GRID1: variants seen among roughly 807,000 people sequenced by gnomAD.
The protein encoded by GRID1 is glutamate ionotropic receptor delta type subunit 1.
GRID1 carries 28 observed loss-of-function variants against 98.0 expected under a neutral mutation model. The observed-to-expected ratio is 0.29, with a 90% confidence interval of 0.21 to 0.39. The LOEUF is 0.39. GRID1 is among the 10% of genes least tolerant of loss of function. GRID1 has a pLI of 1.00. For missense variants in GRID1, 1,111 were observed against 1,340.5 expected (o/e 0.83, Z 2.67); for synonymous variants, 553 against 538.5 (o/e 1.03, Z -0.37).
chr10:86,003,880 C>A (rs768118901), intron 4 of GRID1, among the ~76,000 whole-genome samples: 4 of 152,124 alleles, frequency 2.6e-5, no homozygotes, highest in Non-Finnish European at 5.9e-5. Context: ...AGCTAAGAAA[C>A]CTGCCAACTT....
At chr10:85,631,471 G>A (rs1842974918) in intron 13 of GRID1, among the ~76,000 whole-genome samples, 1 of 152,182 alleles carries the variant, frequency 6.6e-6, no homozygotes, top group Admixed American at 6.5e-5. Context: ...GGGAGGAATA[G>A]TTTTGTTTAT....
intron 12 of GRID1, among the ~76,000 whole-genome samples, chr10:85,702,990 T>G: frequency 6.6e-5 from 9 of 136,384 alleles, no homozygotes; most frequent in East Asian, 2.2e-4. Flanking sequence ...GAGGAGGAAA[T>G]AAGGAGATGA....
At chr10:86,238,124 G>C (rs952041414) in intron 2 of GRID1, among the ~76,000 whole-genome samples, 6 of 152,236 alleles carry the variant, frequency 3.9e-5, no homozygotes, top group African/African-American at 1.4e-4. Context: ...CATTTTCTGG[G>C]GAAGAATTCA....
intron 13 of GRID1, among the ~76,000 whole-genome samples, chr10:85,644,772 T>G (rs2132549505): frequency 6.6e-6 from 1 of 152,376 alleles, no homozygotes; most frequent in African/African-American, 2.4e-5. Context: ...GTGATTGTAC[T>G]GAGCACACCC....
chr10:86,284,809 G>A (rs1050033476), intron 2 of GRID1, among the ~76,000 whole-genome samples: 12 of 152,224 alleles, frequency 7.9e-5, no homozygotes, highest in South Asian at 6.2e-4. Flanking sequence ...GCATAGGGTC[G>A]CAGCAGAGGG....
intron 12 of GRID1, among the ~76,000 whole-genome samples, chr10:85,718,226 G>A (rs1020918335): frequency 5.3e-5 from 8 of 152,116 alleles, no homozygotes; most frequent in Admixed American, 2.6e-4. Flanking sequence ...TTTCCCTTCC[G>A]CATTGCCCTA....
chr10:86,137,462 C>A (rs1194972524), intron 4 of GRID1, among the ~76,000 whole-genome samples: 1 of 152,100 alleles, frequency 6.6e-6, no homozygotes. Context: ...GGGGAACGGG[C>A]AAGGAATTGG....
In GRID1 at chr10:86,297,143, A is replaced by G. The variant is rs193105897; in HGVS notation, c.235+66798T>C. ...AAAGGATTTCTCCAAGGAATTATAT[A>G]AAGTTATTCTAAAATCATTTTGAAA... On this transcript the variant is annotated intron_variant, in intron 2 of 15. Coordinates refer to ENST00000327946, the MANE Select transcript of GRID1 (RefSeq NM_017551.3). Among the ~76,000 whole-genome samples, 126 of 152,342 alleles carry G rather than the reference A, an allele frequency of 8.3e-4. 1 individual carries two copies. Among genetic ancestry groups the G allele is most frequent in the African/African-American group, 2.8e-3 (117 of 41,596 alleles).
intron 12 of GRID1, among the ~76,000 whole-genome samples, chr10:85,669,890 G>T (rs944898080): frequency 2.0e-5 from 3 of 152,196 alleles, no homozygotes; most frequent in African/African-American, 7.2e-5. Context: ...AAAGTAGACT[G>T]CTCTGGCTTG....
intron 3 of GRID1, among the ~76,000 whole-genome samples, chr10:86,140,566 G>T (rs1051902610): frequency 6.6e-6 from 1 of 152,212 alleles, no homozygotes; most frequent in African/African-American, 2.4e-5. Context: ...GAACCAAGCA[G>T]CGCGAGGGAG....
intron 5 of GRID1, among the ~76,000 whole-genome samples, chr10:85,882,790 A>T (rs1012105200): frequency 3.9e-5 from 6 of 152,148 alleles, no homozygotes; most frequent in East Asian, 3.9e-4. Flanking sequence ...ATATTTTTTT[A>T]AAAAATCATT....
At chr10:86,191,429 G>A (rs1845801147) in intron 3 of GRID1, among the ~76,000 whole-genome samples, 1 of 151,988 alleles carries the variant, frequency 6.6e-6, no homozygotes, top group Admixed American at 6.5e-5. Flanking sequence ...TGAGTCCCTG[G>A]GTGTGGTGGG....
intron 2 of GRID1, among the ~76,000 whole-genome samples, chr10:86,273,099 TC>T (rs1014744114): frequency 4.0e-5 from 6 of 151,788 alleles, no homozygotes; most frequent in Non-Finnish European, 7.4e-5. Context: ...AGTGTGATGT[TC>T]CCCTTCCTCT....
chr10:86,022,399 G>A (rs1159672663), intron 4 of GRID1, among the ~76,000 whole-genome samples: 1 of 152,072 alleles, frequency 6.6e-6, no homozygotes, highest in African/African-American at 2.4e-5. Context: ...CCTGTGTCTG[G>A]TGGCTCCTGC....
At chr10:85,715,906 C>CTT (rs55700928) in intron 12 of GRID1, among the ~76,000 whole-genome samples, 1 of 147,234 alleles carries the variant, frequency 6.8e-6, no homozygotes. Flanking sequence ...TAGAACTAAC[C>CTT]TTTTTTTTTT....
chr10:85,860,849 T>A (rs1843157673), intron 6 of GRID1, among the ~76,000 whole-genome samples: 1 of 152,194 alleles, frequency 6.6e-6, no homozygotes, highest in African/African-American at 2.4e-5. Context: ...ACTCTGAGAC[T>A]TATCTTGATA....
intron 12 of GRID1, among the ~76,000 whole-genome samples, chr10:85,649,000 A>G (rs1843232066): frequency 6.6e-6 from 1 of 152,248 alleles, no homozygotes; most frequent in Admixed American, 6.5e-5. Context: ...AAATATTTTA[A>G]TAATGGAGAT....
chr10:85,750,257 C>T (rs1294345838), intron 8 of GRID1, among the ~76,000 whole-genome samples: 1 of 152,046 alleles, frequency 6.6e-6, no homozygotes, highest in Admixed American at 6.6e-5. Context: ...TCTCCCTCAA[C>T]AAAAATTCAG....
intron 2 of GRID1, among the ~76,000 whole-genome samples, chr10:86,337,087 G>A (rs571655474): frequency 5.9e-4 from 90 of 151,688 alleles, no homozygotes; most frequent in South Asian, 3.3e-3. Context: ...TCCTGACCTC[G>A]TGATCCGCCC....
Sources: gnomAD v4.1 joint callset for allele counts (sites outside exome capture counted in the v4.1 genomes callset) on GRCh38, gnomAD v4.1.1 for gene constraint, MANE v1.5 for transcripts, NCBI Gene and HGNC (gene_info 2026-07-23, HGNC 2026-07-21) for gene names.